Variants in ZNF280D observed in about 807,000 individuals in gnomAD.
The protein encoded by ZNF280D is zinc finger protein 280D.
A neutral mutation model predicts 94.7 loss-of-function variants in ZNF280D; 39 were observed. The ratio of observed to expected loss-of-function variants is 0.41; its 90% CI spans 0.32 to 0.54. ZNF280D has a LOEUF of 0.54. ZNF280D is among the 20% of genes least tolerant of loss of function. The pLI is 0.22. For synonymous variants in ZNF280D, 398 were observed against 377.6 expected, an observed-to-expected ratio of 1.05 and a Z score of -0.63; for missense variants, 1,090 against 1,149.3, an observed-to-expected ratio of 0.95 and a Z score of 0.75.
At chr15:56,660,637 T>C (rs955927126) in intron 16 of ZNF280D, among the ~76,000 whole-genome samples, 13 of 152,240 alleles carry the variant, frequency 8.5e-5, no homozygotes, top group African/African-American at 1.2e-4. Context: ...AGAAAGGTTT[T>C]TTATTACAAT....
At chr15:56,704,716 C>T (rs1324921084) in intron 3 of ZNF280D, among the ~76,000 whole-genome samples, 1 of 152,142 alleles carries the variant, frequency 6.6e-6, no homozygotes, top group Non-Finnish European at 1.5e-5. Flanking sequence ...AGCAGTGGCT[C>T]ACACTTGTAA....
intron 3 of ZNF280D, 67 bp downstream of exon 3, chr15:56,707,015 C>T: frequency 6.7e-7 from 1 of 1,489,988 alleles, no homozygotes; most frequent in Non-Finnish European, 9.3e-7. Flanking sequence ...AACTTTCATC[C>T]TTTCTCCTGA....
intron 6 of ZNF280D, chr15:56,699,177 C>T (rs2141168005): frequency 6.2e-6 from 1 of 162,262 alleles, no homozygotes; most frequent in East Asian, 1.9e-4. Context: ...ACAAAAGTAA[C>T]ATTTACTTCA....
At chr15:56,726,624 C>A (rs1216758939) in intron 1 of ZNF280D, among the ~76,000 whole-genome samples, 1 of 152,000 alleles carries the variant, frequency 6.6e-6, no homozygotes, top group African/African-American at 2.4e-5. Flanking sequence ...TCAATTAATC[C>A]CAACTATGCT....
At chr15:56,644,720 G>A (rs1254951805) in intron 19 of ZNF280D, among the ~76,000 whole-genome samples, 1 of 152,028 alleles carries the variant, frequency 6.6e-6, no homozygotes, top group Non-Finnish European at 1.5e-5. Flanking sequence ...AATGAGCCCC[G>A]TTAAGTATGT....
chr15:56,682,232 A>G, intron 10 of ZNF280D, 22 bp downstream of exon 10: 3 of 1,473,422 alleles, frequency 2.0e-6, no homozygotes, highest in Non-Finnish European at 2.8e-6. Flanking sequence ...TTCAATAGAA[A>G]TAAAAACAAG....
intron 9 of ZNF280D, 130 bp downstream of exon 9, chr15:56,688,911 G>A (rs2056241359): frequency 1.8e-6 from 1 of 551,754 alleles, no homozygotes; most frequent in South Asian, 4.0e-5. Flanking sequence ...CATTATGAAT[G>A]TAAATTTTTA....
At chr15:56,693,392 A>G (rs552922002) in intron 6 of ZNF280D, among the ~76,000 whole-genome samples, 177 bp from the exon 7 acceptor site, 2 of 151,860 alleles carry the variant, frequency 1.3e-5, no homozygotes, top group Non-Finnish European at 2.9e-5. Context: ...TCAATTATTA[A>G]TAAGTTAAAA....
In ZNF280D at chr15:56,725,970, T is replaced by C. The variant is rs182424542; in HGVS notation, c.-86+7488A>G. On this transcript the variant is annotated intron_variant, in intron 1 of 21. Transcript: ENST00000267807. ...AAAACAGGAATGTTTGCAATGAAAA[T>C]GACTGAAATATTTTTTGGTGTAATC... 3.6e-3 allele frequency among the ~76,000 whole-genome samples: 555 copies of C among 152,230 alleles called. 12 individuals are homozygous for C. The highest frequency in any genetic ancestry group is 0.033 in the Admixed American group (502 of 15,294).
chr15:56,696,433 G>T (rs975000378), intron 6 of ZNF280D, among the ~76,000 whole-genome samples: 1 of 152,182 alleles, frequency 6.6e-6, no homozygotes, highest in Non-Finnish European at 1.5e-5. Flanking sequence ...AAGGTTAGGT[G>T]GGGTCGAGTA....
intron 9 of ZNF280D, among the ~76,000 whole-genome samples, chr15:56,685,058 C>A (rs1057121295): frequency 1.3e-4 from 20 of 152,122 alleles, no homozygotes; most frequent in African/African-American, 4.6e-4. Context: ...AAAAGCAACA[C>A]TGAATACTAG....
chr15:56,725,355 T>G (rs891943955), intron 1 of ZNF280D, among the ~76,000 whole-genome samples: 1 of 152,046 alleles, frequency 6.6e-6, no homozygotes, highest in Non-Finnish European at 1.5e-5. Context: ...ACCTGAGAAA[T>G]TTTTTTCAAT....
At chr15:56,677,050 T>C (rs1421295296) in intron 12 of ZNF280D, among the ~76,000 whole-genome samples, 2 of 152,168 alleles carry the variant, frequency 1.3e-5, no homozygotes, top group African/African-American at 4.8e-5. Flanking sequence ...TCTCCTTCTC[T>C]TTATCAGATC....
intron 11 of ZNF280D, among the ~76,000 whole-genome samples, chr15:56,678,003 CT>C (rs1364321877): frequency 6.8e-6 from 1 of 147,592 alleles, no homozygotes; most frequent in Non-Finnish European, 1.5e-5. Context: ...CTGTAATTTT[CT>C]TTCTTTTTTT....
intron 19 of ZNF280D, among the ~76,000 whole-genome samples, chr15:56,651,041 CT>C (rs1162334511): frequency 6.6e-6 from 1 of 152,046 alleles, no homozygotes; most frequent in Non-Finnish European, 1.5e-5. Flanking sequence ...CTTTTATTGT[CT>C]TTCACAAATA....
chr15:56,713,437 AT>A (rs1283522473), intron 1 of ZNF280D, among the ~76,000 whole-genome samples: 2 of 152,080 alleles, frequency 1.3e-5, no homozygotes, highest in African/African-American at 2.4e-5. Flanking sequence ...TTGATCTTTC[AT>A]TTTTTTACTC....
At chr15:56,635,134 C>T in intron 21 of ZNF280D, 61 bp downstream of exon 21, 2 of 1,014,844 alleles carry the variant, frequency 2.0e-6, no homozygotes, top group Non-Finnish European at 2.9e-6. Flanking sequence ...TGAAATAATG[C>T]AGCTCAAGTG....
intron 13 of ZNF280D, among the ~76,000 whole-genome samples, chr15:56,673,198 G>C (rs2054983871): frequency 6.6e-6 from 1 of 151,826 alleles, no homozygotes; most frequent in South Asian, 2.1e-4. Context: ...ATTACTGCTT[G>C]ATGTCTAATA....
Position 56,704,184 on chromosome 15 carries a change from C to A in ZNF280D, c.112G>T (p.Asp38Tyr), listed in dbSNP as rs2057263052. Residue 38 changes from aspartate to tyrosine, a missense_variant, in exon 4 of 22, where the codon GAT (aspartate) becomes TAT (tyrosine). By Grantham distance (160) the Asp-to-Tyr change is radical (BLOSUM62 -3). This residue lies in a region of ZNF280D where 386 missense variants were observed against 372.0 expected (regional missense o/e 1.04). Coordinates refer to ENST00000267807, the MANE Select transcript of ZNF280D (RefSeq NM_017661.4). ...PWQKKVKEVE[D>Y]DDDDEPIFVG... ...AAGATTGGCTCATCATCATCGTCATCCTCAACTTCTTTTACTTTCTTCTGC... is the reference window on the plus strand; with the variant it reads ...AAGATTGGCTCATCATCATCGTCATACTCAACTTCTTTTACTTTCTTCTGC... The A allele has an allele frequency of 6.2e-7, 1 of 1,613,576 alleles. No individual in the cohort carries two copies. Among genetic ancestry groups the A allele is most frequent in the African/African-American group, 1.3e-5 (1 of 74,878 alleles).
Sources: allele counts gnomAD v4.1 joint callset (sites outside exome capture counted in the v4.1 genomes callset), GRCh38; gene constraint gnomAD v4.1.1; regional missense constraint gnomAD v4.1.1; transcripts MANE v1.5; gene names NCBI Gene and HGNC (gene_info 2026-07-23, HGNC 2026-07-21).